KIAA0825: variants seen among roughly 807,000 people sequenced by gnomAD.
The protein encoded by KIAA0825 is uncharacterized protein KIAA0825.
A neutral mutation model predicts 147.6 loss-of-function variants in KIAA0825; 119 were observed. The ratio of observed to expected loss-of-function variants is 0.81; its 90% CI spans 0.69 to 0.94. The LOEUF is 0.94. Among genes scored for constraint, KIAA0825 ranks in the 40% least tolerant of loss-of-function variants. The pLI is 0.00. For synonymous variants in KIAA0825, 470 were observed against 518.1 expected (o/e 0.91, Z 1.26); for missense variants, 1,381 against 1,472.7 (o/e 0.94, Z 1.02).
chr5:94,507,205 T>A (rs1765842578), intron 5 of KIAA0825, among the ~76,000 whole-genome samples: 1 of 152,178 alleles, frequency 6.6e-6, no homozygotes, highest in Non-Finnish European at 1.5e-5. Context: ...ATCCCAGCAC[T>A]TTGGAAGGCC....
At chr5:94,533,467 G>C (rs748800462) in intron 3 of KIAA0825, among the ~76,000 whole-genome samples, 1 of 151,590 alleles carries the variant, frequency 6.6e-6, no homozygotes, top group Non-Finnish European at 1.5e-5. Context: ...AGTAGAGACA[G>C]GGTTTCATCA....
intron 20 of KIAA0825, among the ~76,000 whole-genome samples, chr5:94,181,769 T>C (rs961879353): frequency 1.3e-5 from 2 of 152,206 alleles, no homozygotes; most frequent in African/African-American, 4.8e-5. Flanking sequence ...ATTGAAATTT[T>C]GATTCATCGA....
intron 4 of KIAA0825, among the ~76,000 whole-genome samples, chr5:94,522,814 G>A (rs1244225958): frequency 6.6e-6 from 1 of 151,630 alleles, no homozygotes. Flanking sequence ...CCTTTGCCCT[G>A]CAGTGAATAG....
At position 94,303,728 on chromosome 5, in the gene KIAA0825, C is replaced by T. The variant is rs114430444; in HGVS notation, c.3710+80640G>A. ...TCACAATTCTAACATAATTAGTAAACGCATTAAGTGGATCCTAGGAGAACA... is the reference window on the plus strand; with the variant it reads ...TCACAATTCTAACATAATTAGTAAATGCATTAAGTGGATCCTAGGAGAACA... On this transcript the variant is annotated intron_variant, in intron 20 of 20. Transcript: ENST00000682413. 9.0e-3 allele frequency among the ~76,000 whole-genome samples: 1,372 copies of T among 152,054 alleles called. 9 individuals are homozygous for T. Among genetic ancestry groups the T allele is most frequent in the Non-Finnish European group, 0.011 (740 of 67,990 alleles).
intron 13 of KIAA0825, among the ~76,000 whole-genome samples, chr5:94,443,359 TAC>T (rs70978110): frequency 0.26 from 39,164 of 148,366 alleles, 5,710 homozygotes; most frequent in Non-Finnish European, 0.34. Flanking sequence ...TGTATATATA[TAC>T]ACACACACAC....
rs184841529 is a variant in KIAA0825, at chr5:94,353,177, T to A, written c.3710+31191A>T. ...GGAAACAACAATTAGCTACTTTTTTTAAAAAAACTATTTATTAGAATAATG... is the reference window on the plus strand; with the variant it reads ...GGAAACAACAATTAGCTACTTTTTTAAAAAAAACTATTTATTAGAATAATG... On this transcript the variant is annotated intron_variant, in intron 20 of 20. Coordinates refer to ENST00000682413, the MANE Select transcript of KIAA0825 (RefSeq NM_001145678.3). 1.3e-3 allele frequency among the ~76,000 whole-genome samples: 196 copies of A among 152,258 alleles called. 2 individuals carry two copies. The highest frequency in any genetic ancestry group is 3.9e-3 in the African/African-American group (163 of 41,552).
intron 5 of KIAA0825, among the ~76,000 whole-genome samples, chr5:94,512,434 A>G (rs979966149): frequency 6.6e-6 from 1 of 152,138 alleles, no homozygotes; most frequent in Non-Finnish European, 1.5e-5. Context: ...GAAACAACAG[A>G]ACTAGGCATT....
chr5:94,159,449 TGTGTCAA>T (rs1322544289), intron 20 of KIAA0825, among the ~76,000 whole-genome samples: 1 of 152,204 alleles, frequency 6.6e-6, no homozygotes, highest in Admixed American at 6.5e-5. Flanking sequence ...AGATTCTACT[TGTGTCAA>T]GTGGTTTCCT....
chr5:94,594,217 G>C, intron 1 of KIAA0825: 1 of 592,188 alleles, frequency 1.7e-6, no homozygotes, highest in Non-Finnish European at 3.3e-6. Context: ...TCATCTCTAA[G>C]TGCAAGAGTC....
chr5:94,595,630 T>C (rs959101102), intron 1 of KIAA0825, among the ~76,000 whole-genome samples: 1 of 152,238 alleles, frequency 6.6e-6, no homozygotes, highest in Non-Finnish European at 1.5e-5. Flanking sequence ...TTTCGGCAGC[T>C]GCTTGAACTT....
intron 20 of KIAA0825, among the ~76,000 whole-genome samples, chr5:94,363,019 G>A (rs1318930235): frequency 6.6e-6 from 1 of 152,146 alleles, no homozygotes; most frequent in Non-Finnish European, 1.5e-5. Flanking sequence ...ACTTGCAGTT[G>A]TTCATTACTG....
At chr5:94,467,757 C>T (rs1359177086) in intron 10 of KIAA0825, among the ~76,000 whole-genome samples, 3 of 152,178 alleles carry the variant, frequency 2.0e-5, no homozygotes, top group African/African-American at 7.2e-5. Flanking sequence ...GATCTCTATC[C>T]TACCCTTCAC....
intron 20 of KIAA0825, among the ~76,000 whole-genome samples, chr5:94,261,304 C>CA (rs1197430900): frequency 2.6e-5 from 4 of 151,026 alleles, no homozygotes; most frequent in African/African-American, 7.3e-5. Context: ...GAGTCTGTTT[C>CA]AAAAAAAATA....
At chr5:94,172,146 G>A (rs1321651233) in intron 20 of KIAA0825, among the ~76,000 whole-genome samples, 2 of 152,154 alleles carry the variant, frequency 1.3e-5, no homozygotes, top group East Asian at 1.9e-4. Context: ...AGTGGAAAAA[G>A]TATTAGAGAT....
chr5:94,437,061 T>C (rs1009212936), intron 14 of KIAA0825, among the ~76,000 whole-genome samples: 15 of 152,184 alleles, frequency 9.9e-5, no homozygotes, highest in African/African-American at 3.4e-4. Context: ...CTGATAGTTA[T>C]GTTGCTTGAA....
intron 1 of KIAA0825, chr5:94,615,618 C>G (rs1023634630): frequency 1.3e-5 from 2 of 152,180 alleles, no homozygotes; most frequent in African/African-American, 4.8e-5. Context: ...ATTAGATATT[C>G]TCTCATCTCC....
At chr5:94,459,418 C>A (rs927568414) in intron 12 of KIAA0825, among the ~76,000 whole-genome samples, 1 of 152,070 alleles carries the variant, frequency 6.6e-6, no homozygotes, top group African/African-American at 2.4e-5. Flanking sequence ...TGGGGACCTG[C>A]CTATTTTCCA....
In KIAA0825 at chr5:94,587,343, A is replaced by G. The variant is rs374058500; in HGVS notation, c.-152-4760T>C. Among the ~76,000 whole-genome samples the G allele has an allele frequency of 2.0e-5, 3 of 152,340 alleles. No individual in the cohort carries two copies. The East Asian group carries it at 5.8e-4, about 29-fold the overall frequency. Reference sequence around the variant, plus strand: ...TTAAGCTGATAAGCAACCTCAGCAAAGTCTCAGGATACAAAATCAATGTGC... The same window carrying G: ...TTAAGCTGATAAGCAACCTCAGCAAGGTCTCAGGATACAAAATCAATGTGC... On this transcript the variant is annotated intron_variant, in intron 1 of 20. Transcript: ENST00000682413.
chr5:94,251,983 G>A (rs982002386), intron 20 of KIAA0825, among the ~76,000 whole-genome samples: 1 of 151,804 alleles, frequency 6.6e-6, no homozygotes, highest in Non-Finnish European at 1.5e-5. Flanking sequence ...GATTCCTTTT[G>A]GTTGTCATTA....
Sources: gnomAD v4.1 joint callset for allele counts (sites outside exome capture counted in the v4.1 genomes callset) on GRCh38, gnomAD v4.1.1 for gene constraint, MANE v1.5 for transcripts, NCBI Gene and HGNC (gene_info 2026-07-23, HGNC 2026-07-21) for gene names.